Variants in NCKAP5 observed in about 807,000 individuals in gnomAD.
NCKAP5 encodes the protein nck-associated protein 5.
NCKAP5 carries 92 observed loss-of-function variants against 167.0 expected under a neutral mutation model. The ratio of observed to expected loss-of-function variants is 0.55; its 90% CI spans 0.47 to 0.66. The LOEUF (loss-of-function observed/expected upper bound fraction) is 0.66. Ranked by LOEUF, NCKAP5 falls within the 30% of genes least tolerant of loss-of-function variation. NCKAP5 has a pLI of 0.00. For synonymous variants in NCKAP5, 891 were observed against 877.4 expected (o/e 1.02, Z -0.27); for missense variants, 2,378 against 2,315.0 (o/e 1.03, Z -0.56).
At chr2:133,244,693 C>A (rs544351725) in intron 4 of NCKAP5, among the ~76,000 whole-genome samples, 1 of 152,180 alleles carries the variant, frequency 6.6e-6, no homozygotes, top group South Asian at 2.1e-4. Flanking sequence ...TGATATACAA[C>A]AAGAGTGACA....
intron 4 of NCKAP5, among the ~76,000 whole-genome samples, chr2:133,258,249 T>G (rs1423328650): frequency 6.6e-6 from 1 of 152,132 alleles, no homozygotes; most frequent in Non-Finnish European, 1.5e-5. Flanking sequence ...TAGAAGTAGT[T>G]TAGAAATCTG....
intron 17 of NCKAP5, among the ~76,000 whole-genome samples, chr2:132,730,848 G>A (rs185532277): frequency 7.9e-5 from 12 of 152,294 alleles, no homozygotes; most frequent in East Asian, 5.8e-4. Flanking sequence ...AGTTTGTGAC[G>A]CAACATTCGT....
At chr2:133,031,656 C>T (rs1326330449) in intron 6 of NCKAP5, among the ~76,000 whole-genome samples, 1 of 152,108 alleles carries the variant, frequency 6.6e-6, no homozygotes, top group African/African-American at 2.4e-5. Context: ...GTGCTGGCAT[C>T]ACCCCTCCCC....
intron 19 of NCKAP5, among the ~76,000 whole-genome samples, chr2:132,703,059 C>T (rs2105259244): frequency 6.6e-6 from 1 of 152,126 alleles, no homozygotes; most frequent in East Asian, 1.9e-4. Context: ...TATGTGCCTG[C>T]AGTCCTAGCT....
intron 6 of NCKAP5, among the ~76,000 whole-genome samples, chr2:133,128,601 T>C (rs960409180): frequency 1.3e-5 from 2 of 150,722 alleles, no homozygotes; most frequent in African/African-American, 5.0e-5. Flanking sequence ...TCTCTCTCTT[T>C]TTTTTTTTGT....
intron 15 of NCKAP5, among the ~76,000 whole-genome samples, chr2:132,776,271 AT>A (rs1682535646): frequency 6.6e-6 from 1 of 151,788 alleles, no homozygotes; most frequent in Non-Finnish European, 1.5e-5. Context: ...TTTTTCATGC[AT>A]GTGTGTGTGT....
intron 5 of NCKAP5, among the ~76,000 whole-genome samples, chr2:133,159,135 AAAG>A (rs1396488658): frequency 6.6e-6 from 1 of 151,998 alleles, no homozygotes; most frequent in Non-Finnish European, 1.5e-5. Context: ...AGATGCAGCA[AAAG>A]AAGAAGTCAG....
intron 10 of NCKAP5, among the ~76,000 whole-genome samples, chr2:132,863,319 T>C (rs1202344260): frequency 6.6e-6 from 1 of 152,070 alleles, no homozygotes; most frequent in Non-Finnish European, 1.5e-5. Context: ...CATCCTCATT[T>C]GCAACATAGA....
chr2:133,083,070 G>GT (rs2080866158), intron 6 of NCKAP5, among the ~76,000 whole-genome samples: 1 of 152,116 alleles, frequency 6.6e-6, no homozygotes. Context: ...TACCCTGTGA[G>GT]TTTCTGTGCC....
At chr2:133,452,417 A>G (rs1691606176) in intron 3 of NCKAP5, among the ~76,000 whole-genome samples, 1 of 152,198 alleles carries the variant, frequency 6.6e-6, no homozygotes. Context: ...AAGGAAATCC[A>G]CTGATGGAGG....
At position 132,785,677 on chromosome 2, in the gene NCKAP5, A is replaced by C. The variant is rs748371687; in HGVS notation, c.1134T>G (p.Ser378=). ...GACTAGCAAAGCCACTTGGGAGCGA[A>C]GAATCAATACTTAGCCTTTTATCCC... ...QNWDKRLSID[S]SLPSGFASPT... Residue 378 remains serine (S), a synonymous_variant, in exon 14 of 20, where the codon TCT becomes TCG. Coordinates refer to ENST00000409261, the MANE Select transcript of NCKAP5 (RefSeq NM_207363.3). The C allele has an allele frequency of 2.6e-6, 4 of 1,513,002 alleles. No individual in the cohort carries two copies. The South Asian group carries it at 5.4e-5, about 21-fold the overall frequency. 93.7% of individuals were successfully genotyped at this position (1,513,002 alleles called of 1,614,324 possible). A position where few individuals can be genotyped will look rare whatever the true frequency, so the allele number is the denominator to read the frequency against.
intron 8 of NCKAP5, among the ~76,000 whole-genome samples, chr2:132,896,247 C>T (rs1693193744): frequency 6.6e-6 from 1 of 152,132 alleles, no homozygotes; most frequent in Non-Finnish European, 1.5e-5. Context: ...AAAATGAATC[C>T]CATTCTAGAA....
intron 3 of NCKAP5, among the ~76,000 whole-genome samples, chr2:133,458,840 T>A (rs1692019398): frequency 6.6e-6 from 1 of 152,158 alleles, no homozygotes; most frequent in Non-Finnish European, 1.5e-5. Context: ...GTTATCAATG[T>A]TGTCAAATTG....
chr2:133,140,451 T>C (rs1053273448), intron 5 of NCKAP5, among the ~76,000 whole-genome samples: 1 of 152,150 alleles, frequency 6.6e-6, no homozygotes. Context: ...CATTTTCATT[T>C]CAAACTTTTG....
intron 4 of NCKAP5, among the ~76,000 whole-genome samples, chr2:133,219,260 C>G (rs953844403): frequency 1.3e-5 from 2 of 152,212 alleles, no homozygotes; most frequent in African/African-American, 4.8e-5. Flanking sequence ...CGGCTGCTAG[C>G]CTTCCGTATC....
In NCKAP5 at chr2:133,038,686, G is replaced by A. The variant is rs141697580; in HGVS notation, c.342-44447C>T. Among the ~76,000 whole-genome samples the A allele has an allele frequency of 3.3e-4, 50 of 151,978 alleles. No individual in the cohort carries two copies. The East Asian group carries it at 7.4e-3, about 22-fold the overall frequency. On this transcript the variant is annotated intron_variant, in intron 6 of 19. Transcript: ENST00000409261. ...AAATAGATACCTCATTCTCCATGAC[G>A]TTTTTATTTCACATTGCATGCCTGT...
chr2:133,660,188 C>T, the NCKAP5 span, among the ~76,000 whole-genome samples: 10 of 152,310 alleles, frequency 6.6e-5, no homozygotes, highest in South Asian at 2.1e-4. Flanking sequence ...TTCCCTCCCT[C>T]GCCTTTTTCC....
At chr2:133,355,783 A>T (rs548641442) in intron 3 of NCKAP5, among the ~76,000 whole-genome samples, 2 of 151,946 alleles carry the variant, frequency 1.3e-5, no homozygotes, top group Non-Finnish European at 2.9e-5. Context: ...GTTTCCTCAA[A>T]CCTTGCGTGT....
At chr2:132,892,893 G>A (rs924463131) in intron 8 of NCKAP5, among the ~76,000 whole-genome samples, 4 of 150,746 alleles carry the variant, frequency 2.7e-5, no homozygotes, top group African/African-American at 4.9e-5. Context: ...AAATACCAGC[G>A]TGTTTGAACC....
Sources: allele counts gnomAD v4.1 joint callset (sites outside exome capture counted in the v4.1 genomes callset), GRCh38; gene constraint gnomAD v4.1.1; transcripts MANE v1.5; gene names NCBI Gene and HGNC (gene_info 2026-07-23, HGNC 2026-07-21).